The following TBL1XR1 variants were observed in gnomAD, a reference collection of about 807,000 sequenced individuals.
TBL1XR1 encodes F-box-like/WD repeat-containing protein TBL1XR1.
In TBL1XR1, 5 loss-of-function variants were observed where a neutral mutation model predicts 66.9. The observed-to-expected ratio is 0.07, with a 90% CI of 0.04 to 0.16. TBL1XR1 has a LOEUF of 0.16. Among genes scored for constraint, TBL1XR1 ranks in the 10% least tolerant of loss-of-function variants. The probability of loss-of-function intolerance (pLI) is 1.00; values close to 1 mark genes in which losing one functional copy is unlikely to be tolerated. For missense variants in TBL1XR1, 238 were observed against 623.2 expected (o/e 0.38, Z 6.58); for synonymous variants, 210 against 206.0 (o/e 1.02, Z -0.17).
intron 1 of TBL1XR1, among the ~76,000 whole-genome samples, chr3:177,112,108 T>TATATATA (rs1553846589): frequency 1.5e-3 from 52 of 35,644 alleles, no homozygotes; most frequent in African/African-American, 5.8e-3. Flanking sequence ...TATATATATA[T>TATATATA]TTTTTTTTTT....
At chr3:177,109,928 G>A (rs991658093) in intron 1 of TBL1XR1, among the ~76,000 whole-genome samples, 4 of 152,110 alleles carry the variant, frequency 2.6e-5, no homozygotes, top group East Asian at 1.9e-4. Context: ...GTATGAAGAC[G>A]TGCCTTATAT....
intron 1 of TBL1XR1, among the ~76,000 whole-genome samples, chr3:177,186,990 C>A (rs1048127862): frequency 2.0e-5 from 3 of 151,968 alleles, no homozygotes; most frequent in Non-Finnish European, 4.4e-5. Flanking sequence ...CAGGATGAAA[C>A]CCCGTCTCTC....
chr3:177,172,632 GAA>G (rs1491106187), intron 1 of TBL1XR1, among the ~76,000 whole-genome samples: 1 of 69,158 alleles, frequency 1.4e-5, no homozygotes, highest in Admixed American at 1.7e-4. Flanking sequence ...AAGAAAGAGA[GAA>G]GAGAGAGAGA....
intron 1 of TBL1XR1, among the ~76,000 whole-genome samples, chr3:177,166,764 C>T (rs780821344): frequency 3.9e-5 from 6 of 152,136 alleles, no homozygotes; most frequent in Non-Finnish European, 8.8e-5. Flanking sequence ...CTACATACAC[C>T]ATTAGGGGAT....
rs758279209 is a variant in TBL1XR1, at chr3:177,051,580, T to A, written c.351A>T (p.Ala117=). 6.2e-6 allele frequency: 10 copies of A among 1,613,766 alleles called. No homozygotes were observed. The East Asian group carries it at 2.2e-4, about 36-fold the overall frequency. The change falls in exon 5 of 16, where the codon GCA becomes GCT. Residue 117 remains alanine (A), a synonymous_variant. Coordinates refer to ENST00000457928, the MANE Select transcript of TBL1XR1 (RefSeq NM_024665.7). ...QAAAAAAAAA[A]ASQQGSAKNG... ...TTTTTGCAGATCCTTGTTGGCTGGC[T>A]GCAGCTGCGGCAGCTGCAGCAGCTG...
intron 1 of TBL1XR1, among the ~76,000 whole-genome samples, chr3:177,115,631 G>A (rs916156501): frequency 3.9e-5 from 6 of 151,988 alleles, no homozygotes; most frequent in African/African-American, 7.3e-5. Flanking sequence ...CTCTTTCCCC[G>A]CAACTTTGAG....
chr3:177,131,468 A>AC, intron 1 of TBL1XR1: 1 of 841,946 alleles, frequency 1.2e-6, no homozygotes. Context: ...TGAGAAAACA[A>AC]AAAAAAACTA....
At chr3:177,128,666 G>T (rs1313681500) in intron 1 of TBL1XR1, among the ~76,000 whole-genome samples, 1 of 152,126 alleles carries the variant, frequency 6.6e-6, no homozygotes, top group East Asian at 1.9e-4. Context: ...GAGCCACCGT[G>T]CCCAGCCTGA....
intron 2 of TBL1XR1, among the ~76,000 whole-genome samples, chr3:177,091,440 A>C (rs1455365665): frequency 6.6e-6 from 1 of 152,070 alleles, no homozygotes; most frequent in Non-Finnish European, 1.5e-5. Context: ...ATTCTTTTTC[A>C]CTAAAAGGAA....
rs546214475 is a variant in TBL1XR1, at chr3:177,028,118, G to A, written c.1417-1644C>T. Among the ~76,000 whole-genome samples the A allele has an allele frequency of 1.1e-4, 16 of 152,110 alleles. No homozygotes were observed. In the South Asian group the frequency reaches 2.9e-3, roughly 28 times the overall value. ...AAAAAGGCCAATGGCTCAGATCATC[G>A]GCATCTACCTCAAATTTGTATGTAT... On this transcript the variant is annotated intron_variant, in intron 14 of 15. Transcript: ENST00000457928.
At chr3:177,124,528 A>G (rs563585415) in intron 1 of TBL1XR1, among the ~76,000 whole-genome samples, 3 of 152,228 alleles carry the variant, frequency 2.0e-5, no homozygotes, top group Admixed American at 2.0e-4. Context: ...CTTACGTGCT[A>G]TAGGGCTAAA....
At chr3:177,089,635 G>A (rs897970550) in intron 2 of TBL1XR1, among the ~76,000 whole-genome samples, 1 of 152,168 alleles carries the variant, frequency 6.6e-6, no homozygotes, top group African/African-American at 2.4e-5. Flanking sequence ...TCAAACCTAA[G>A]AGAACTGCTC....
At chr3:177,155,380 A>C (rs569553705) in intron 1 of TBL1XR1, among the ~76,000 whole-genome samples, 17 of 152,304 alleles carry the variant, frequency 1.1e-4, no homozygotes, top group African/African-American at 3.8e-4. Context: ...CATTAATTGA[A>C]AGAATATTAA....
intron 6 of TBL1XR1, 122 bp from the exon 7 acceptor site, chr3:177,050,260 C>A: frequency 3.7e-6 from 5 of 1,362,394 alleles, no homozygotes; most frequent in Non-Finnish European, 5.0e-6. Context: ...ATTTTCATTT[C>A]CAGTATTTTT....
chr3:177,100,597 G>T (rs1023785586), intron 1 of TBL1XR1, among the ~76,000 whole-genome samples: 8 of 151,964 alleles, frequency 5.3e-5, no homozygotes, highest in Admixed American at 3.3e-4. Flanking sequence ...GCCAATTTTG[G>T]TATTTTTAGT....
At chr3:177,197,669 G>T, upstream of TBL1XR1, among the ~76,000 whole-genome samples, 1 of 142,592 alleles carries the variant, frequency 7.0e-6, no homozygotes, top group African/African-American at 2.5e-5. Context: ...GGGCCGGCGG[G>T]GGAGGGGCGC....
intron 2 of TBL1XR1, among the ~76,000 whole-genome samples, chr3:177,092,570 A>C (rs939746971): frequency 2.6e-5 from 4 of 152,192 alleles, no homozygotes; most frequent in Non-Finnish European, 5.9e-5. Context: ...TGGTAGTGTA[A>C]AGAAATTATT....
intron 1 of TBL1XR1, chr3:177,125,920 C>T (rs1052146652): frequency 1.3e-5 from 2 of 152,050 alleles, no homozygotes; most frequent in Admixed American, 1.3e-4. Context: ...ATACAGATAC[C>T]ACATTTCTTT....
chr3:177,109,694 A>G (rs891660166), intron 1 of TBL1XR1, among the ~76,000 whole-genome samples: 1 of 152,118 alleles, frequency 6.6e-6, no homozygotes, highest in African/African-American at 2.4e-5. Flanking sequence ...CAGAATTTTG[A>G]TTAATAAGTA....
Sources: gnomAD v4.1 joint callset for allele counts (sites outside exome capture counted in the v4.1 genomes callset) on GRCh38, gnomAD v4.1.1 for gene constraint, MANE v1.5 for transcripts, NCBI Gene and HGNC (gene_info 2026-07-23, HGNC 2026-07-21) for gene names.